The following SH3D19 variants were observed in gnomAD, a reference collection of about 807,000 sequenced individuals.
The protein encoded by SH3D19 is SH3 domain containing 19.
A neutral mutation model predicts 112.1 loss-of-function variants in SH3D19; 58 were observed. The observed-to-expected ratio is 0.52, with a 90% CI of 0.42 to 0.64. SH3D19 has a LOEUF of 0.64. Among genes scored for constraint, SH3D19 ranks in the 30% least tolerant of loss-of-function variants. The pLI is 0.00. For synonymous variants in SH3D19, 391 were observed against 448.5 expected, an observed-to-expected ratio of 0.87 and a Z score of 1.62; for missense variants, 1,090 against 1,263.4, an observed-to-expected ratio of 0.86 and a Z score of 2.08.
At chr4:151,165,788 G>A (rs934677342) in intron 7 of SH3D19, 92 bp from the exon 8 acceptor site, 3 of 1,075,528 alleles carry the variant, frequency 2.8e-6, no homozygotes, top group Non-Finnish European at 2.8e-6. Flanking sequence ...TATTTTTCAT[G>A]CCCCTGGGGA....
chr4:151,288,647 C>A (rs1004054719), intron 1 of SH3D19, among the ~76,000 whole-genome samples: 2 of 149,342 alleles, frequency 1.3e-5, no homozygotes, highest in Non-Finnish European at 3.0e-5. Flanking sequence ...CCAGCCTGGG[C>A]GGGGCAACGA....
intron 1 of SH3D19, among the ~76,000 whole-genome samples, chr4:151,269,246 A>T (rs533900534): frequency 1.8e-4 from 28 of 152,242 alleles, no homozygotes; most frequent in African/African-American, 6.3e-4. Context: ...CTTCTTTTGA[A>T]AAGTGTCTGT....
chr4:151,315,838 A>C (rs1187338991), intron 1 of SH3D19, among the ~76,000 whole-genome samples: 5 of 152,176 alleles, frequency 3.3e-5, no homozygotes, highest in East Asian at 1.9e-4. Context: ...AAGTATGTAG[A>C]TACTTTACCC....
chr4:151,188,808 C>T (rs1762176081), intron 2 of SH3D19, among the ~76,000 whole-genome samples: 1 of 152,192 alleles, frequency 6.6e-6, no homozygotes, highest in African/African-American at 2.4e-5. Flanking sequence ...TGTTGATGTC[C>T]TTACCAGTAG....
In SH3D19 at chr4:151,213,322, G is replaced by C. The variant is rs564710328; in HGVS notation, c.152+12725C>G. On this transcript the variant is annotated intron_variant, in intron 2 of 19. Coordinates refer to ENST00000604030, the MANE Select transcript of SH3D19 (RefSeq NM_001378122.1). ...GAAACTGTGAAAGGAAGAGTCAATC[G>C]ATGTGGCAAACTTCATGGCTGTCTT... is the stretch of plus-strand genomic sequence containing the variant. Among the ~76,000 whole-genome samples, 3 of 152,148 alleles carry C rather than the reference G, an allele frequency of 2.0e-5. No individual in the cohort carries two copies. In the South Asian group the frequency reaches 6.2e-4, roughly 32 times the overall value.
intron 11 of SH3D19, among the ~76,000 whole-genome samples, chr4:151,145,483 G>A (rs867615811): frequency 2.3e-4 from 35 of 152,016 alleles, no homozygotes; most frequent in African/African-American, 7.5e-4. Context: ...GCCCCTGCCC[G>A]CAAGAGAACA....
chr4:151,273,589 C>CAA (rs60600816), intron 1 of SH3D19, among the ~76,000 whole-genome samples: 18,790 of 63,428 alleles, frequency 0.3, 3,274 homozygotes, highest in East Asian at 0.35. Flanking sequence ...GACTCCATCT[C>CAA]AAAAAAAAAA....
intron 1 of SH3D19, among the ~76,000 whole-genome samples, chr4:151,261,987 C>T (rs548998053): frequency 2.1e-4 from 32 of 152,286 alleles, no homozygotes; most frequent in Non-Finnish European, 4.4e-4. Context: ...ATTCTTCTTA[C>T]TAGATCTACC....
At chr4:151,289,029 G>A (rs564859325) in intron 1 of SH3D19, among the ~76,000 whole-genome samples, 8 of 152,326 alleles carry the variant, frequency 5.3e-5, no homozygotes, top group African/African-American at 1.7e-4. Context: ...CTAGCATAAG[G>A]AGAGACATCT....
chr4:151,126,851 A>C (rs2149724322), intron 19 of SH3D19, among the ~76,000 whole-genome samples: 1 of 144,276 alleles, frequency 6.9e-6, no homozygotes. Context: ...CTTTAAGAAG[A>C]AATTAGGCAT....
chr4:151,303,456 C>T (rs549141183), intron 1 of SH3D19, among the ~76,000 whole-genome samples: 34 of 152,216 alleles, frequency 2.2e-4, no homozygotes, highest in African/African-American at 7.0e-4. Context: ...TATACTGGAC[C>T]AGCAGCCAAT....
intron 17 of SH3D19, 25 bp downstream of exon 17, chr4:151,132,306 A>G: frequency 6.2e-7 from 1 of 1,608,306 alleles, no homozygotes; most frequent in Non-Finnish European, 8.5e-7. Flanking sequence ...GGCTGTCACT[A>G]TAGTCATCTG....
chr4:151,197,197 C>T (rs932536964), intron 2 of SH3D19, among the ~76,000 whole-genome samples: 5 of 151,824 alleles, frequency 3.3e-5, no homozygotes, highest in South Asian at 2.1e-4. Context: ...CAGAGCAAGA[C>T]GATCTCAAAA....
chr4:151,202,264 G>A (rs1447578604), intron 2 of SH3D19, among the ~76,000 whole-genome samples: 1 of 152,204 alleles, frequency 6.6e-6, no homozygotes, highest in Admixed American at 6.5e-5. Context: ...GAACTCAGGA[G>A]GCGGAGGTTG....
At chr4:151,166,617 CA>C (rs1758076284) in intron 7 of SH3D19, among the ~76,000 whole-genome samples, 1 of 151,936 alleles carries the variant, frequency 6.6e-6, no homozygotes, top group African/African-American at 2.4e-5. Context: ...TTTTATTTAA[CA>C]AGAGGCGAAA....
chr4:151,193,141 C>G (rs1371855778), intron 2 of SH3D19, among the ~76,000 whole-genome samples: 2 of 149,718 alleles, frequency 1.3e-5, no homozygotes, highest in Non-Finnish European at 3.0e-5. Context: ...CACCTATAAT[C>G]CACTTAATAA....
chr4:151,291,325 G>C, intron 1 of SH3D19: 1 of 1,613,742 alleles, frequency 6.2e-7, no homozygotes, highest in East Asian at 2.2e-5. Flanking sequence ...ACTCTCTCTG[G>C]CTCTCCTGCG....
At chr4:151,199,234 C>G (rs1027265291) in intron 2 of SH3D19, among the ~76,000 whole-genome samples, 2 of 152,096 alleles carry the variant, frequency 1.3e-5, no homozygotes, top group African/African-American at 4.8e-5. Context: ...AGGATACCAT[C>G]ATTTAAGGGG....
chr4:151,319,544 C>A (rs1156963712), intron 1 of SH3D19, among the ~76,000 whole-genome samples: 2 of 152,128 alleles, frequency 1.3e-5, no homozygotes, highest in African/African-American at 2.4e-5. Context: ...GTAGACAAAG[C>A]CACAGACTCT....
Sources: gnomAD v4.1 joint callset for allele counts (sites outside exome capture counted in the v4.1 genomes callset) on GRCh38, gnomAD v4.1.1 for gene constraint, MANE v1.5 for transcripts, NCBI Gene and HGNC (gene_info 2026-07-23, HGNC 2026-07-21) for gene names.